VOPP1: variants seen among roughly 807,000 people sequenced by gnomAD.
VOPP1 encodes VOPP1 WW domain binding protein.
A neutral mutation model predicts 23.5 loss-of-function variants in VOPP1; 8 were observed. The ratio of observed to expected loss-of-function variants is 0.34; its 90% CI spans 0.20 to 0.61. VOPP1 has a LOEUF of 0.61. Among genes scored for constraint, VOPP1 ranks in the 20% least tolerant of loss-of-function variants. The pLI is 0.78. For synonymous variants in VOPP1, 83 were observed against 97.3 expected (o/e 0.85, Z 0.86); for missense variants, 174 against 238.1 (o/e 0.73, Z 1.77).
intron 4 of VOPP1, among the ~76,000 whole-genome samples, chr7:55,487,645 A>G (rs1403946167): frequency 6.6e-6 from 1 of 152,194 alleles, no homozygotes; most frequent in Non-Finnish European, 1.5e-5. Context: ...ATTTCACAAA[A>G]AACACTATCC....
At chr7:55,565,333 A>C (rs1366449619) in intron 1 of VOPP1, among the ~76,000 whole-genome samples, 2 of 152,212 alleles carry the variant, frequency 1.3e-5, no homozygotes, top group African/African-American at 4.8e-5. Context: ...CTTCAAAACC[A>C]GCATTTAAAA....
intron 4 of VOPP1, among the ~76,000 whole-genome samples, chr7:55,484,893 G>C (rs192346813): frequency 6.6e-6 from 1 of 152,262 alleles, no homozygotes. Flanking sequence ...TACTTTGTGA[G>C]GGCAGCCCCG....
At chr7:55,437,897 A>AT (rs11400741) in intron 4 of VOPP1, among the ~76,000 whole-genome samples, 65,771 of 142,856 alleles carry the variant, frequency 0.46, 15,326 homozygotes, top group Admixed American at 0.57. Context: ...TCCTGTTTGT[A>AT]TTTTTTTTTT....
intron 4 of VOPP1, among the ~76,000 whole-genome samples, chr7:55,444,630 C>T (rs1250258583): frequency 6.6e-6 from 1 of 152,206 alleles, no homozygotes; most frequent in Non-Finnish European, 1.5e-5. Context: ...ACTCTGCCCT[C>T]CCCAGCTCCC....
chr7:55,569,198 T>C (rs956092914), intron 1 of VOPP1, among the ~76,000 whole-genome samples: 1 of 152,216 alleles, frequency 6.6e-6, no homozygotes, highest in Non-Finnish European at 1.5e-5. Context: ...GATGGTGCTG[T>C]CAGCTGCTGC....
At chr7:55,518,433 G>T (rs1046040555) in intron 2 of VOPP1, among the ~76,000 whole-genome samples, 3 of 152,252 alleles carry the variant, frequency 2.0e-5, no homozygotes, top group African/African-American at 2.4e-5. Flanking sequence ...CCAGGCAGCA[G>T]GGTTATGGAA....
At chr7:55,445,852 G>A (rs957331850) in intron 4 of VOPP1, among the ~76,000 whole-genome samples, 3 of 152,146 alleles carry the variant, frequency 2.0e-5, no homozygotes, top group Non-Finnish European at 2.9e-5. Flanking sequence ...TAAGTTCATC[G>A]GCCTTACTAG....
intron 2 of VOPP1, among the ~76,000 whole-genome samples, chr7:55,509,081 A>G (rs1794910765): frequency 6.6e-6 from 1 of 152,176 alleles, no homozygotes; most frequent in Non-Finnish European, 1.5e-5. Context: ...TAAATTTCCT[A>G]TCATTGAAAT....
At chr7:55,480,890 C>G (rs142429832) in intron 4 of VOPP1, among the ~76,000 whole-genome samples, 227 of 137,304 alleles carry the variant, frequency 1.7e-3, no homozygotes, top group African/African-American at 5.8e-3. Context: ...TCAGTTCTCA[C>G]GTTACTTGCA....
intron 1 of VOPP1, among the ~76,000 whole-genome samples, chr7:55,528,909 T>C (rs1796337836): frequency 6.6e-6 from 1 of 152,214 alleles, no homozygotes; most frequent in African/African-American, 2.4e-5. Context: ...ACATTATATA[T>C]ATTTAATTTC....
At position 55,521,091 on chromosome 7, in the gene VOPP1, G is replaced by C. The variant is rs773464569; in HGVS notation, c.94C>G (p.Leu32Val). Residue 32 changes from leucine to valine, a missense_variant, in exon 2 of 5, where the codon CTC (leucine) becomes GTC (valine). Leu to Val is a conservative substitution (Grantham distance 32). Coordinates refer to ENST00000285279, the MANE Select transcript of VOPP1 (RefSeq NM_030796.5). ...ACTTACATATAATAGGTTGGATAGA[G>C]TCCTTCGAAATACCAGCAATGCTTT... is the stretch of plus-strand genomic sequence containing the variant. ...AKKHCWYFEG[L>V]YPTYYICRSY... The C allele has an allele frequency of 2.5e-6, 4 of 1,583,092 alleles. No homozygotes were observed. The highest frequency in any genetic ancestry group is 3.4e-6 in the Non-Finnish European group (4 of 1,163,510).
At chr7:55,566,996 C>A (rs1798184092) in intron 1 of VOPP1, among the ~76,000 whole-genome samples, 1 of 152,182 alleles carries the variant, frequency 6.6e-6, no homozygotes, top group Non-Finnish European at 1.5e-5. Context: ...GTCATTTCCC[C>A]TCAATATTAC....
intron 4 of VOPP1, among the ~76,000 whole-genome samples, chr7:55,475,593 C>T (rs952964254): frequency 1.3e-5 from 2 of 152,158 alleles, no homozygotes; most frequent in African/African-American, 4.8e-5. Context: ...ACAATCTGCA[C>T]AGAGGTGACA....
intron 4 of VOPP1, 97 bp from the exon 5 acceptor site, chr7:55,473,142 T>C (rs1264643002): frequency 6.7e-7 from 1 of 1,501,764 alleles, no homozygotes; most frequent in East Asian, 2.6e-5. Context: ...CGCCCCGTCA[T>C]TCACTCAGCG....
intron 1 of VOPP1, among the ~76,000 whole-genome samples, chr7:55,553,506 G>A (rs1180139283): frequency 6.6e-6 from 1 of 152,028 alleles, no homozygotes; most frequent in African/African-American, 2.4e-5. Context: ...GATAGATCTA[G>A]GCCTAACATT....
At chr7:55,449,278 T>A (rs1002758929) in intron 4 of VOPP1, among the ~76,000 whole-genome samples, 3 of 152,120 alleles carry the variant, frequency 2.0e-5, no homozygotes, top group Admixed American at 1.3e-4. Context: ...GGCCCGCGCT[T>A]CTCCCGGATG....
chr7:55,564,393 G>A (rs1798094979), intron 1 of VOPP1, among the ~76,000 whole-genome samples: 2 of 151,984 alleles, frequency 1.3e-5, no homozygotes, highest in Admixed American at 1.3e-4. Context: ...AACACCAAGA[G>A]AATGAGGCCA....
At chr7:55,502,739 T>C (rs1157271467) in intron 2 of VOPP1, among the ~76,000 whole-genome samples, 1 of 152,186 alleles carries the variant, frequency 6.6e-6, no homozygotes, top group African/African-American at 2.4e-5. Context: ...ATGCCTATCA[T>C]GGATGCATCA....
intron 2 of VOPP1, among the ~76,000 whole-genome samples, chr7:55,504,594 C>T (rs1225852677): frequency 6.6e-6 from 1 of 152,246 alleles, no homozygotes; most frequent in Non-Finnish European, 1.5e-5. Flanking sequence ...CCCAGGCAGA[C>T]GCTGCCACTC....
Sources: gnomAD v4.1 joint callset for allele counts (sites outside exome capture counted in the v4.1 genomes callset) on GRCh38, gnomAD v4.1.1 for gene constraint, MANE v1.5 for transcripts, NCBI Gene and HGNC (gene_info 2026-07-23, HGNC 2026-07-21) for gene names.